MIA2: variants seen among roughly 807,000 people sequenced by gnomAD.
MIA2 encodes the protein MIA SH3 domain ER export factor 2.
A neutral mutation model predicts 167.8 loss-of-function variants in MIA2; 127 were observed. The ratio of observed to expected loss-of-function variants is 0.76; its 90% CI spans 0.66 to 0.88. The LOEUF (loss-of-function observed/expected upper bound fraction) is 0.88, where lower values mean the gene tolerates loss of function less well. MIA2 is among the 40% of genes least tolerant of loss of function. The pLI, the probability that MIA2 is intolerant of heterozygous loss-of-function variation, is 0.00. For synonymous variants in MIA2, 552 were observed against 541.9 expected (o/e 1.02, Z -0.26); for missense variants, 1,690 against 1,624.7 (o/e 1.04, Z -0.69).
chr14:39,279,433 G>A lies in MIA2; in HGVS notation c.2042-16G>A. The stretch of plus-strand genomic sequence containing the variant: ...ATAATAATTTACTCATGGTAATATT[G>A]ACTTGACTTTTTTAGGACGAGAGAA... On this transcript the variant is annotated splice_polypyrimidine_tract_variant and intron_variant, in intron 8 of 28. Transcript: ENST00000640607. 1.2e-6 allele frequency: 2 copies of A among 1,603,094 alleles called. No homozygotes were observed. The highest frequency in any genetic ancestry group is 8.5e-7 in the Non-Finnish European group (1 of 1,176,846).
chr14:39,362,092 A>G (rs1037833795), intron 23 of MIA2, among the ~76,000 whole-genome samples: 1 of 152,156 alleles, frequency 6.6e-6, no homozygotes, highest in Non-Finnish European at 1.5e-5. Flanking sequence ...GTTTGCTAGT[A>G]TTAATATTCG....
chr14:39,342,203 T>C (rs929969142), intron 25 of MIA2, among the ~76,000 whole-genome samples: 3 of 144,772 alleles, frequency 2.1e-5, no homozygotes, highest in Non-Finnish European at 4.5e-5. Flanking sequence ...GATGTTCCCC[T>C]TCCTGTGTCC....
At chr14:39,312,395 A>G (rs2064477401) in intron 18 of MIA2, among the ~76,000 whole-genome samples, 1 of 152,258 alleles carries the variant, frequency 6.6e-6, no homozygotes, top group African/African-American at 2.4e-5. Flanking sequence ...ACCTTAGGGA[A>G]TGCTTTCTAA....
chr14:39,360,442 C>T (rs1474112293), intron 23 of MIA2, among the ~76,000 whole-genome samples: 1 of 151,714 alleles, frequency 6.6e-6, no homozygotes, highest in African/African-American at 2.4e-5. Context: ...TGTCCTTTGC[C>T]CATGTTTTAA....
intron 7 of MIA2, among the ~76,000 whole-genome samples, chr14:39,278,419 T>C (rs1212854314): frequency 6.6e-6 from 1 of 151,998 alleles, no homozygotes; most frequent in Non-Finnish European, 1.5e-5. Context: ...AACTGAAATC[T>C]ATTCTTCATC....
intron 25 of MIA2, among the ~76,000 whole-genome samples, chr14:39,336,673 G>A (rs1234794398): frequency 2.0e-5 from 3 of 152,152 alleles, no homozygotes; most frequent in Admixed American, 2.0e-4. Flanking sequence ...AGGTGAAAAA[G>A]CATTTGGACT....
At chr14:39,349,032 G>T (rs182282330) in intron 28 of MIA2, 55 bp downstream of exon 28, 1 of 1,559,654 alleles carries the variant, frequency 6.4e-7, no homozygotes, top group African/African-American at 1.4e-5. Flanking sequence ...ATTAATCGGA[G>T]ATTTAATTTT....
chr14:39,349,137 G>GC (rs2139131751), intron 28 of MIA2, among the ~76,000 whole-genome samples, 160 bp downstream of exon 28: 1 of 152,266 alleles, frequency 6.6e-6, no homozygotes, highest in South Asian at 2.1e-4. Context: ...TGGGAAGGCA[G>GC]CCAGCCATAA....
chr14:39,266,954 G>A (rs923101383), intron 6 of MIA2: 3 of 671,032 alleles, frequency 4.5e-6, no homozygotes, highest in South Asian at 6.1e-5. Flanking sequence ...GGGTTGTGCG[G>A]CTCACACGAC....
At chr14:39,273,779 GGT>G (rs1369105982) in intron 6 of MIA2, among the ~76,000 whole-genome samples, 3 of 152,018 alleles carry the variant, frequency 2.0e-5, no homozygotes, top group Non-Finnish European at 2.9e-5. Context: ...AAGATATATT[GGT>G]GTGTGATTTT....
chr14:39,289,875 T>C (rs1164130953), intron 9 of MIA2, among the ~76,000 whole-genome samples: 2 of 152,228 alleles, frequency 1.3e-5, no homozygotes, highest in African/African-American at 4.8e-5. Context: ...GTGTCTTATA[T>C]GGAGTCTACC....
At chr14:39,293,477 A>C (rs1257932355) in intron 11 of MIA2, 96 bp downstream of exon 11, 1 of 884,862 alleles carries the variant, frequency 1.1e-6, no homozygotes, top group Non-Finnish European at 1.7e-6. Flanking sequence ...CATTATTGTA[A>C]AAAATGTAAA....
chr14:39,265,991 T>G, intron 6 of MIA2: 1 of 985,430 alleles, frequency 1.0e-6, no homozygotes, highest in Non-Finnish European at 1.2e-6. Context: ...CAATCTTGAG[T>G]TCTGAAAAGC....
intron 3 of MIA2, among the ~76,000 whole-genome samples, 198 bp from the exon 4 acceptor site, chr14:39,246,713 T>C (rs6571908): frequency 0.2 from 30,661 of 152,092 alleles, 3,097 homozygotes; most frequent in Middle Eastern, 0.29. Context: ...CAAAAAACCA[T>C]AATGTAAAAG....
intron 6 of MIA2, among the ~76,000 whole-genome samples, chr14:39,255,482 T>C (rs976397403): frequency 1.3e-4 from 20 of 152,332 alleles, no homozygotes; most frequent in South Asian, 8.3e-4. Flanking sequence ...CACTCCAGCC[T>C]GGGCCATAGA....
intron 3 of MIA2, among the ~76,000 whole-genome samples, chr14:39,241,689 C>T (rs934063791): frequency 2.6e-5 from 4 of 152,196 alleles, no homozygotes; most frequent in Non-Finnish European, 5.9e-5. Flanking sequence ...CTCTTTCAAT[C>T]CATTCTCCAA....
chr14:39,373,729 G>A (rs1230663648), intron 23 of MIA2, among the ~76,000 whole-genome samples: 1 of 152,174 alleles, frequency 6.6e-6, no homozygotes, highest in Non-Finnish European at 1.5e-5. Context: ...GCTGAGGCAT[G>A]AGAATCACTT....
intron 9 of MIA2, among the ~76,000 whole-genome samples, chr14:39,287,020 CA>C (rs1006967831): frequency 2.0e-5 from 3 of 151,886 alleles, no homozygotes; most frequent in African/African-American, 7.3e-5. Context: ...GCTACCATGC[CA>C]GGCCTTTTAT....
intron 25 of MIA2, among the ~76,000 whole-genome samples, chr14:39,333,174 A>T (rs1390638656): frequency 6.6e-6 from 1 of 152,034 alleles, no homozygotes; most frequent in Non-Finnish European, 1.5e-5. Context: ...TCTAGTGATG[A>T]TATTTTCCCT....
Sources: gnomAD v4.1 joint callset for allele counts (sites outside exome capture counted in the v4.1 genomes callset) on GRCh38, gnomAD v4.1.1 for gene constraint, MANE v1.5 for transcripts, NCBI Gene and HGNC (gene_info 2026-07-23, HGNC 2026-07-21) for gene names.